The following ZNF789 variants were observed in gnomAD, a reference collection of about 807,000 sequenced individuals.
The protein encoded by ZNF789 is zinc finger protein 789.
In ZNF789, 11 loss-of-function variants were observed where a neutral mutation model predicts 15.6. That is an observed-to-expected ratio of 0.70 (90% CI 0.44 to 1.16). The LOEUF is 1.16. Among genes scored for constraint, ZNF789 ranks in the 50% most tolerant of loss-of-function variants. ZNF789 has a pLI of 0.00. For missense variants in ZNF789, 461 were observed against 512.6 expected (o/e 0.90, Z 0.97); for synonymous variants, 159 against 176.0 (o/e 0.90, Z 0.76).
chr7:99,477,437 C>T (rs1799394918), intron 2 of ZNF789, among the ~76,000 whole-genome samples: 1 of 151,580 alleles, frequency 6.6e-6, no homozygotes, highest in Admixed American at 6.6e-5. Flanking sequence ...CCTTCCCAGG[C>T]TCAGGTGATC....
Position 99,486,869 on chromosome 7 carries a change from A to T in ZNF789, c.659A>T (p.Gln220Leu). Residue 220 changes from glutamine (Q) to leucine (L), a missense_variant, in exon 5 of 5, where the codon CAA becomes CTA. Gln to Leu is a moderately radical substitution (Grantham distance 113, BLOSUM62 -2). Transcript: ENST00000331410. ...IRRKAWFDQH[Q>L]RIHFLENPFE... is the part of the protein sequence containing the mutation. ...CGTAAGGCATGGTTTGATCAACATC[A>T]AAGAATTCACTTTTTAGAGAATCCT... is the stretch of plus-strand genomic sequence containing the variant. The T allele has an allele frequency of 6.2e-7, 1 of 1,614,244 alleles. No homozygotes were observed. The highest frequency in any genetic ancestry group is 8.5e-7 in the Non-Finnish European group (1 of 1,180,058).
At chr7:99,485,063 G>A in intron 4 of ZNF789, 1 of 903,534 alleles carries the variant, frequency 1.1e-6, no homozygotes, top group Non-Finnish European at 1.6e-6. Flanking sequence ...CAGCTCTTAG[G>A]GCACCCTGGA....
chr7:99,482,324 A>G (rs1799683318), intron 3 of ZNF789: 9 of 731,372 alleles, frequency 1.2e-5, no homozygotes, highest in Non-Finnish European at 1.8e-5. Flanking sequence ...AGATATTTAC[A>G]AAGATTGTGC....
rs1800027383 is a variant in ZNF789 at position 99,487,398 on chromosome 7, C to G, written c.1188C>G (p.Pro396=). The G allele has an allele frequency of 6.2e-7, 1 of 1,614,186 alleles. No individual in the cohort carries two copies. ...AGGTCATTCACACTGGAAGCCAACC[C>G]TACCAATGTGTCATATGTGGAAAAT... ...RHQVIHTGSQ[P]YQCVICGKSF... is the part of the protein sequence containing the mutation. Residue 396 remains proline (P), a synonymous_variant, in exon 5 of 5, where the codon CCC becomes CCG. Coordinates refer to ENST00000331410, the MANE Select transcript of ZNF789 (RefSeq NM_213603.3).
chr7:99,479,941 C>A (rs1799534279), intron 3 of ZNF789, 154 bp downstream of exon 3: 1 of 1,018,792 alleles, frequency 9.8e-7, no homozygotes, highest in Non-Finnish European at 1.4e-6. Context: ...CCAGACATCA[C>A]CACAGTGAAA....
chr7:99,474,992 A>G (rs77718458), intron 1 of ZNF789, among the ~76,000 whole-genome samples: 1 of 152,104 alleles, frequency 6.6e-6, no homozygotes, highest in Non-Finnish European at 1.5e-5. Flanking sequence ...AAAAAAAAAA[A>G]GAAAGGCAAA....
At position 99,487,039 on chromosome 7, in the gene ZNF789, A is replaced by G. The variant is rs1293595467; in HGVS notation, c.829A>G (p.Arg277Gly). 3 of 1,614,098 alleles carry G rather than the reference A, an allele frequency of 1.9e-6. No individual in the cohort carries two copies. The highest frequency in any genetic ancestry group is 2.5e-6 in the Non-Finnish European group (3 of 1,180,036). The stretch of plus-strand genomic sequence containing the variant: ...GCTCGCGTATCTTGTTGAACATAAG[A>G]GGATTCACACCAAAGAAAAACCTTA... The part of the protein sequence containing the change: ...RQLAYLVEHK[R>G]IHTKEKPYKC... The change falls in exon 5 of 5, where the codon AGG becomes GGG. Residue 277 changes from arginine to glycine, a missense_variant. Coordinates refer to ENST00000331410, the MANE Select transcript of ZNF789 (RefSeq NM_213603.3).
At position 99,484,080 on chromosome 7, in the gene ZNF789, G is replaced by C. The variant is rs146924997; in HGVS notation, c.202G>C (p.Glu68Gln). ...GATCTGTCAGCTGGAGAACTGGGAC[G>C]AGCAGTGGATCCTGGATCTACCGAG... is the stretch of plus-strand genomic sequence containing the variant. Reference protein sequence around the residue: ...EMICQLENWDEQWILDLPRTG... With the variant: ...EMICQLENWDQQWILDLPRTG... The change falls in exon 4 of 5, where the codon GAG becomes CAG. Residue 68 changes from glutamate (E) to glutamine (Q), a missense_variant. Transcript: ENST00000331410. 6.2e-7 allele frequency: 1 copy of C among 1,613,934 alleles called. No homozygotes were observed. The highest frequency in any genetic ancestry group is 1.3e-5 in the African/African-American group (1 of 74,902).
chr7:99,475,610 C>G (rs894192987), intron 1 of ZNF789, among the ~76,000 whole-genome samples: 2 of 152,022 alleles, frequency 1.3e-5, no homozygotes, highest in African/African-American at 4.8e-5. Context: ...TAACTAGACT[C>G]GGACATCCTG....
intron 4 of ZNF789, chr7:99,485,418 C>A: frequency 1.5e-6 from 1 of 654,208 alleles, no homozygotes; most frequent in Non-Finnish European, 2.8e-6. Context: ...CTGTTCACCC[C>A]TAGTTGAGAC....
At chr7:99,476,196 G>T (rs1275664560) in intron 1 of ZNF789, 4 of 489,540 alleles carry the variant, frequency 8.2e-6, no homozygotes, top group Non-Finnish European at 1.4e-5. Context: ...GGGCAGGGCT[G>T]CAGGTTCTCT....
intron 2 of ZNF789, among the ~76,000 whole-genome samples, 169 bp downstream of exon 2, chr7:99,476,649 T>G (rs968199197): frequency 6.6e-6 from 1 of 152,248 alleles, no homozygotes; most frequent in African/African-American, 2.4e-5. Context: ...ACATAAACAC[T>G]CTGGCTCCAG....
chr7:99,476,375 G>A, intron 1 of ZNF789, 28 bp from the exon 2 acceptor site: 1 of 1,545,456 alleles, frequency 6.5e-7, no homozygotes, highest in Non-Finnish European at 8.8e-7. Flanking sequence ...AATTAGGGCT[G>A]GCCTTACTGA....
Position 99,487,493 on chromosome 7 carries a change from A to C in ZNF789, c.*5A>C. 1 of 1,603,246 alleles carries C rather than the reference A, an allele frequency of 6.2e-7. No homozygotes were observed. Among genetic ancestry groups the C allele is most frequent in the Non-Finnish European group, 8.5e-7 (1 of 1,173,882 alleles). Reference sequence around the variant, plus strand: ...AAAGGACAGATATCCACATGATGTTAATTGGAAAGCAGTCATTGGAGAACT... The same window carrying C: ...AAAGGACAGATATCCACATGATGTTCATTGGAAAGCAGTCATTGGAGAACT... On this transcript the variant is annotated 3_prime_UTR_variant, in exon 5 of 5. Coordinates refer to ENST00000331410, the MANE Select transcript of ZNF789 (RefSeq NM_213603.3).
At chr7:99,481,269 GTATT>G (rs1799612499) in intron 3 of ZNF789, 2 of 152,196 alleles carry the variant, frequency 1.3e-5, no homozygotes, top group Non-Finnish European at 2.9e-5. Flanking sequence ...GTTTGCTTGT[GTATT>G]TATAATGTTT....
At chr7:99,474,332 C>G (rs1000117569) in intron 1 of ZNF789, among the ~76,000 whole-genome samples, 2 of 152,194 alleles carry the variant, frequency 1.3e-5, no homozygotes, top group Admixed American at 6.5e-5. Flanking sequence ...CGGTGGCTCA[C>G]GCCTGTAATC....
chr7:99,482,080 A>C, intron 3 of ZNF789: 1 of 766,782 alleles, frequency 1.3e-6, no homozygotes, highest in Non-Finnish European at 2.4e-6. Flanking sequence ...TCTGACAAGA[A>C]ATTCACTTAT....
chr7:99,474,982 A>C (rs1799239625), intron 1 of ZNF789, among the ~76,000 whole-genome samples: 1 of 131,396 alleles, frequency 7.6e-6, no homozygotes, highest in African/African-American at 3.8e-5. Flanking sequence ...GAGACTCCTC[A>C]AAAAAAAAAA....
rs146924997 is a variant in ZNF789 at position 99,484,080 on chromosome 7, G to T, written c.202G>T (p.Glu68Ter). Residue 68 changes from glutamate (E) to a stop codon, truncating the protein, a stop_gained, in exon 4 of 5, where the codon GAG becomes TAG. Transcript: ENST00000331410. LOFTEE classifies it high-confidence loss of function. ...EMICQLENWD[E>*]QWILDLPRTG... ...GATCTGTCAGCTGGAGAACTGGGAC[G>T]AGCAGTGGATCCTGGATCTACCGAG... 6.2e-7 allele frequency: 1 copy of T among 1,614,052 alleles called. No individual in the cohort carries two copies. The highest frequency in any genetic ancestry group is 1.1e-5 in the South Asian group (1 of 91,034).
Sources: gnomAD v4.1 joint callset for allele counts (sites outside exome capture counted in the v4.1 genomes callset) on GRCh38, gnomAD v4.1.1 for gene constraint, MANE v1.5 for transcripts, NCBI Gene and HGNC (gene_info 2026-07-23, HGNC 2026-07-21) for gene names.